HAUS7: variants seen among roughly 807,000 people sequenced by gnomAD.
HAUS7 encodes HAUS augmin-like complex subunit 7.
Under a neutral mutation model 28.4 loss-of-function variants are expected in HAUS7, and 3 were observed. The ratio of observed to expected loss-of-function variants is 0.11; its 90% CI spans 0.05 to 0.27. The LOEUF (loss-of-function observed/expected upper bound fraction) is 0.27, where lower values mean the gene tolerates loss of function less well. Among genes scored for constraint, HAUS7 ranks in the 10% least tolerant of loss-of-function variants. HAUS7 has a pLI of 1.00. For synonymous variants in HAUS7, 165 were observed against 132.1 expected (o/e 1.25, Z -1.71); for missense variants, 284 against 297.3 (o/e 0.96, Z 0.33).
At chrX:153,473,127 G>A (rs1387944654), upstream of HAUS7, among the ~76,000 whole-genome samples, 2 of 111,974 alleles carry the variant, frequency 1.8e-5, no homozygotes, top group Non-Finnish European at 3.8e-5. Flanking sequence ...CAAGTGGGCA[G>A]CCTCCCTGAC....
intron 1 of HAUS7, among the ~76,000 whole-genome samples, chrX:153,485,202 C>A (rs1167810609): frequency 8.9e-6 from 1 of 111,873 alleles, no homozygotes; most frequent in Non-Finnish European, 1.9e-5. Flanking sequence ...AGCCCTAACC[C>A]TCATGGAGCC....
intron 1 of HAUS7, among the ~76,000 whole-genome samples, chrX:153,489,941 C>T (rs1419607615): frequency 7.1e-5 from 8 of 112,974 alleles, no homozygotes; most frequent in African/African-American, 1.9e-4. Context: ...CATGGCCACA[C>T]GGGGACAGTC....
intron 1 of HAUS7, chrX:153,486,108 C>T: frequency 1.1e-6 from 1 of 929,170 alleles, no homozygotes; most frequent in South Asian, 2.3e-5. Context: ...TAGGGCCCCC[C>T]TCCTCGACCC....
intron 1 of HAUS7, chrX:153,486,207 G>A (rs1168001270): frequency 5.7e-6 from 3 of 530,729 alleles, no homozygotes; most frequent in African/African-American, 4.9e-5. Flanking sequence ...TTCTGGCTGG[G>A]CTAGGACAGG....
At chrX:153,452,319 A>G (rs1182915467) in intron 9 of HAUS7, among the ~76,000 whole-genome samples, 2 of 111,998 alleles carry the variant, frequency 1.8e-5, no homozygotes, top group African/African-American at 3.2e-5. Flanking sequence ...ACAAATCCAC[A>G]TGAAGAAATA....
chrX:153,462,773 G>T, intron 3 of HAUS7, 102 bp from the exon 4 acceptor site: 1 of 649,222 alleles, frequency 1.5e-6, no homozygotes, highest in Non-Finnish European at 2.5e-6. Flanking sequence ...ACTGGGTATA[G>T]GAGACCAGGG....
chrX:153,474,710 G>A (rs1229993199), upstream of HAUS7, among the ~76,000 whole-genome samples: 1 of 76,273 alleles, frequency 1.3e-5, no homozygotes, highest in Admixed American at 1.2e-4. Flanking sequence ...GAGAGGCGGG[G>A]GCGGGGGCGG....
intron 3 of HAUS7, among the ~76,000 whole-genome samples, chrX:153,463,547 G>A (rs1350197306): frequency 3.6e-5 from 4 of 112,322 alleles, no homozygotes; most frequent in African/African-American, 1.3e-4. Flanking sequence ...CCTCTTCCCC[G>A]GGCACCCTGT....
intron 4 of HAUS7, among the ~76,000 whole-genome samples, chrX:153,459,857 A>G (rs1196169507): frequency 2.7e-5 from 3 of 112,051 alleles, no homozygotes; most frequent in African/African-American, 9.7e-5. Flanking sequence ...CTCTACAAAA[A>G]TTTTAAAAAT....
At chrX:153,482,419 C>T (rs1329488027) in intron 1 of HAUS7, 19 of 755,491 alleles carry the variant, frequency 2.5e-5, no homozygotes, top group Middle Eastern at 3.9e-4. Context: ...TCAAACTCAA[C>T]GACAACCTCC....
chrX:153,486,589 G>A, intron 1 of HAUS7: 15 of 958,058 alleles, frequency 1.6e-5, no homozygotes, highest in Non-Finnish European at 2.0e-5. Context: ...CGTCTTTCCG[G>A]GGTCTTCTCT....
At chrX:153,465,109 G>A in intron 2 of HAUS7, 54 bp from the exon 3 acceptor site, 1 of 855,873 alleles carries the variant, frequency 1.2e-6, no homozygotes, top group Non-Finnish European at 1.7e-6. Context: ...GAATCCCCCT[G>A]GGCCCTCTAT....
chrX:153,462,532 T>C, intron 4 of HAUS7, 78 bp downstream of exon 4: 2 of 836,447 alleles, frequency 2.4e-6, no homozygotes, highest in Non-Finnish European at 1.8e-6. Flanking sequence ...TCCTCCCACC[T>C]CAGCCAGCAC....
chrX:153,469,562 A>G (rs182861513), intron 1 of HAUS7, among the ~76,000 whole-genome samples: 4 of 113,005 alleles, frequency 3.5e-5, no homozygotes, highest in Non-Finnish European at 7.5e-5. Flanking sequence ...TCCTGACCTC[A>G]GGTATCTGCC....
At chrX:153,469,033 G>T in intron 2 of HAUS7, 113 bp downstream of exon 2, 1 of 502,115 alleles carries the variant, frequency 2.0e-6, no homozygotes, top group Non-Finnish European at 3.6e-6. Flanking sequence ...AGGGGGTGGA[G>T]CCCTCTGGGA....
intron 1 of HAUS7, chrX:153,486,597 T>C (rs2089639775): frequency 4.1e-6 from 4 of 972,907 alleles, no homozygotes; most frequent in Non-Finnish European, 5.4e-6. Context: ...CGGGGTCTTC[T>C]CTCCCCTGCT....
chrX:153,484,242 G>A (rs1397574667), intron 1 of HAUS7, among the ~76,000 whole-genome samples: 2 of 112,281 alleles, frequency 1.8e-5, no homozygotes, highest in Non-Finnish European at 3.8e-5. Context: ...CCCAGCCGGG[G>A]AACCCAGATG....
intron 1 of HAUS7, among the ~76,000 whole-genome samples, chrX:153,478,172 G>C (rs782542390): frequency 8.8e-6 from 1 of 113,001 alleles, no homozygotes; most frequent in Admixed American, 9.3e-5. Flanking sequence ...AGCCAGCGGT[G>C]AGATCAGTCC....
upstream of HAUS7, among the ~76,000 whole-genome samples, chrX:153,473,495 A>AC (rs1489468680): frequency 2.7e-5 from 3 of 112,080 alleles, no homozygotes; most frequent in Non-Finnish European, 5.7e-5. Context: ...GTCCTCCATC[A>AC]CCCCCCACCC....
Sources: allele counts gnomAD v4.1 joint callset (sites outside exome capture counted in the v4.1 genomes callset), GRCh38; gene constraint gnomAD v4.1.1; transcripts MANE v1.5; gene names NCBI Gene and HGNC (gene_info 2026-07-23, HGNC 2026-07-21).